Variants in MBOAT2 observed in about 807,000 individuals in gnomAD.
MBOAT2 encodes the protein membrane bound glycerophospholipid O-acyltransferase 2, also known as membrane-bound glycerophospholipid O-acyltransferase 2.
A neutral mutation model predicts 63.4 loss-of-function variants in MBOAT2; 28 were observed. The observed-to-expected ratio is 0.44, with a 90% confidence interval of 0.33 to 0.61. MBOAT2 has a LOEUF of 0.61. Ranked by LOEUF, MBOAT2 falls within the 20% of genes least tolerant of loss-of-function variation. MBOAT2 has a pLI of 0.03. For synonymous variants in MBOAT2, 211 were observed against 215.6 expected, an observed-to-expected ratio of 0.98 and a Z score of 0.19; for missense variants, 470 against 605.8, an observed-to-expected ratio of 0.78 and a Z score of 2.35.
intron 1 of MBOAT2, among the ~76,000 whole-genome samples, chr2:8,992,225 T>G (rs1671960681): frequency 6.6e-6 from 1 of 152,246 alleles, no homozygotes; most frequent in South Asian, 2.1e-4. Context: ...ATTTTACTAT[T>G]TATTGAGCAC....
chr2:8,929,330 G>GTTCA (rs56004479), intron 3 of MBOAT2, among the ~76,000 whole-genome samples: 11,011 of 151,464 alleles, frequency 0.073, 461 homozygotes, highest in Admixed American at 0.11. Flanking sequence ...TTATTTATTT[G>GTTCA]TTCATTCATT....
intron 3 of MBOAT2, among the ~76,000 whole-genome samples, chr2:8,930,570 T>A (rs1267165879): frequency 1.3e-5 from 2 of 152,076 alleles, no homozygotes; most frequent in South Asian, 2.1e-4. Context: ...AGCAGCATGA[T>A]TTATAATCCT....
At chr2:8,951,368 C>G (rs1351477240) in intron 2 of MBOAT2, among the ~76,000 whole-genome samples, 1 of 152,148 alleles carries the variant, frequency 6.6e-6, no homozygotes, top group African/African-American at 2.4e-5. Flanking sequence ...CCACACCTGG[C>G]TAATTTTTGT....
intron 4 of MBOAT2, among the ~76,000 whole-genome samples, chr2:8,896,841 T>G (rs917397870): frequency 7.9e-5 from 12 of 152,230 alleles, no homozygotes; most frequent in African/African-American, 2.9e-4. Context: ...ACCATCTATC[T>G]CCTGTCCTGA....
At chr2:8,939,540 G>A (rs1233521540) in intron 3 of MBOAT2, among the ~76,000 whole-genome samples, 6 of 152,194 alleles carry the variant, frequency 3.9e-5, no homozygotes, top group Non-Finnish European at 8.8e-5. Flanking sequence ...AGGACTTATG[G>A]TGAAGCAGGC....
At chr2:8,922,791 T>C (rs1558618488) in intron 3 of MBOAT2, among the ~76,000 whole-genome samples, 1 of 152,194 alleles carries the variant, frequency 6.6e-6, no homozygotes, top group Non-Finnish European at 1.5e-5. Context: ...TGTGTGGAGA[T>C]CTTATCAAGT....
At chr2:8,888,134 CAT>C (rs1252801051) in intron 4 of MBOAT2, 61 bp from the exon 5 acceptor site, 117 of 1,452,984 alleles carry the variant, frequency 8.1e-5, no homozygotes, top group Non-Finnish European at 1.0e-4. Context: ...ATACTTATGA[CAT>C]ATGAGTTAAG....
intron 3 of MBOAT2, among the ~76,000 whole-genome samples, chr2:8,937,087 G>C (rs941984749): frequency 6.6e-6 from 1 of 152,138 alleles, no homozygotes; most frequent in Non-Finnish European, 1.5e-5. Context: ...CTTCTTCCCT[G>C]GGAACAGAGA....
At chr2:8,890,427 T>C (rs953301903) in intron 4 of MBOAT2, among the ~76,000 whole-genome samples, 2 of 152,204 alleles carry the variant, frequency 1.3e-5, no homozygotes, top group Non-Finnish European at 2.9e-5. Context: ...TCTCCCTTTT[T>C]AAGAAAGTCC....
chr2:8,927,347 T>G (rs1382831217), intron 3 of MBOAT2, among the ~76,000 whole-genome samples: 1 of 152,220 alleles, frequency 6.6e-6, no homozygotes, highest in Non-Finnish European at 1.5e-5. Context: ...TACATTCATA[T>G]TGTCTGCTAA....
chr2:8,919,315 C>T (rs1666405820), intron 3 of MBOAT2, among the ~76,000 whole-genome samples: 1 of 152,202 alleles, frequency 6.6e-6, no homozygotes, highest in Non-Finnish European at 1.5e-5. Flanking sequence ...TCCAAAGTGA[C>T]TACAATTTTT....
At chr2:8,860,317 A>T (rs1273182721) in intron 12 of MBOAT2, among the ~76,000 whole-genome samples, 1 of 151,764 alleles carries the variant, frequency 6.6e-6, no homozygotes, top group Non-Finnish European at 1.5e-5. Context: ...TTCCCCAAAG[A>T]AGTTCAGGAC....
rs1335783060 is a variant in MBOAT2, at chr2:8,853,886, T to C, written c.*4793A>G. The C allele has an allele frequency of 6.6e-6, 1 of 152,258 alleles. No individual in the cohort carries two copies. Among genetic ancestry groups the C allele is most frequent in the Non-Finnish European group, 1.5e-5 (1 of 68,046 alleles). The allele number at this position is 152,258 out of a possible 1,614,324, so 9.4% of individuals were successfully genotyped here. Reference sequence around the variant, plus strand: ...ACAAAATTTCCCAGTCAATGGCCTATGGAACGTGTCAGTTCTTTATTGGGA... The same window carrying C: ...ACAAAATTTCCCAGTCAATGGCCTACGGAACGTGTCAGTTCTTTATTGGGA... On this transcript the variant is annotated 3_prime_UTR_variant, in exon 13 of 13. Coordinates refer to ENST00000305997, the MANE Select transcript of MBOAT2 (RefSeq NM_138799.4).
At chr2:8,992,610 C>T (rs1283720576) in intron 1 of MBOAT2, among the ~76,000 whole-genome samples, 1 of 152,194 alleles carries the variant, frequency 6.6e-6, no homozygotes, top group Non-Finnish European at 1.5e-5. Flanking sequence ...TATTGAACTA[C>T]TTAAATATAT....
chr2:8,892,231 G>A (rs1339846312), intron 4 of MBOAT2, among the ~76,000 whole-genome samples: 1 of 152,174 alleles, frequency 6.6e-6, no homozygotes, highest in Admixed American at 6.5e-5. Flanking sequence ...TCAACTAAAA[G>A]CATCTACTAG....
chr2:8,984,469 G>C lies in MBOAT2; in HGVS notation c.75+19071C>G, dbSNP rs140622702. Among the ~76,000 whole-genome samples, 386 of 152,280 alleles carry C rather than the reference G, an allele frequency of 2.5e-3. 3 individuals carry two copies. The highest frequency in any genetic ancestry group is 0.017 in the Middle Eastern group (5 of 294). On this transcript the variant is annotated intron_variant, in intron 1 of 12. Transcript: ENST00000305997. ...AAATGATTAACACAATATTCCAGAAGTCATTCCTCTCTGGGATGGGGTCTA... is the reference window on the plus strand; with the variant it reads ...AAATGATTAACACAATATTCCAGAACTCATTCCTCTCTGGGATGGGGTCTA...
At chr2:8,982,071 G>A (rs568087318) in intron 1 of MBOAT2, among the ~76,000 whole-genome samples, 1 of 152,216 alleles carries the variant, frequency 6.6e-6, no homozygotes, top group Non-Finnish European at 1.5e-5. Context: ...AGCGAGCCCA[G>A]GTTTGGTTTC....
intron 2 of MBOAT2, among the ~76,000 whole-genome samples, chr2:8,946,852 G>A (rs935200468): frequency 1.2e-4 from 18 of 152,124 alleles, no homozygotes; most frequent in African/African-American, 4.1e-4. Flanking sequence ...TCCCCATTCC[G>A]GAGAGACAAC....
Position 8,936,746 on chromosome 2 carries a change from C to T in MBOAT2, c.299+6441G>A, listed in dbSNP as rs1238748141. Among the ~76,000 whole-genome samples, 5 of 144,912 alleles carry T rather than the reference C, an allele frequency of 3.5e-5. No individual in the cohort carries two copies. In the East Asian group the frequency reaches 1.0e-3, roughly 29 times the overall value. On this transcript the variant is annotated intron_variant, in intron 3 of 12. Transcript: ENST00000305997. ...GAGGTTGCAGTGAGCCGAGATTGTGCCACCGCACTCAGCCTGAGCTACAGA... is the reference window on the plus strand; with the variant it reads ...GAGGTTGCAGTGAGCCGAGATTGTGTCACCGCACTCAGCCTGAGCTACAGA...
Sources: allele counts gnomAD v4.1 joint callset (sites outside exome capture counted in the v4.1 genomes callset), GRCh38; gene constraint gnomAD v4.1.1; transcripts MANE v1.5; gene names NCBI Gene and HGNC (gene_info 2026-07-23, HGNC 2026-07-21).